DSCAM: variants seen among roughly 807,000 people sequenced by gnomAD.
DSCAM encodes DS cell adhesion molecule.
Under a neutral mutation model 217.7 loss-of-function variants are expected in DSCAM, and 47 were observed. The ratio of observed to expected loss-of-function variants is 0.22; its 90% confidence interval spans 0.17 to 0.28. The LOEUF (loss-of-function observed/expected upper bound fraction) is 0.28. Ranked by LOEUF, DSCAM falls within the 10% of genes least tolerant of loss-of-function variation. DSCAM has a pLI of 1.00. For missense variants in DSCAM, 2,080 were observed against 2,618.3 expected, an observed-to-expected ratio of 0.79 and a Z score of 4.49; for synonymous variants, 1,056 against 1,015.3, an observed-to-expected ratio of 1.04 and a Z score of -0.76.
intron 1 of DSCAM, among the ~76,000 whole-genome samples, chr21:40,709,702 G>A (rs1293097134): frequency 1.3e-5 from 2 of 152,170 alleles, no homozygotes; most frequent in Non-Finnish European, 2.9e-5. Context: ...GTATTCCATG[G>A]TGTGTATGTG....
chr21:40,543,896 T>G (rs2076560869), intron 3 of DSCAM, among the ~76,000 whole-genome samples: 1 of 152,204 alleles, frequency 6.6e-6, no homozygotes, highest in African/African-American at 2.4e-5. Flanking sequence ...ATATTGCTGC[T>G]CTCGGTTGTG....
At chr21:40,673,178 C>T (rs1360991290) in intron 3 of DSCAM, among the ~76,000 whole-genome samples, 2 of 152,288 alleles carry the variant, frequency 1.3e-5, no homozygotes, top group African/African-American at 2.4e-5. Flanking sequence ...ACCTGAGCAC[C>T]CACACATGGT....
At chr21:40,219,713 G>A (rs1268722641) in intron 11 of DSCAM, among the ~76,000 whole-genome samples, 1 of 151,988 alleles carries the variant, frequency 6.6e-6, no homozygotes, top group Non-Finnish European at 1.5e-5. Flanking sequence ...GTGCATCTCT[G>A]CCAATATTCC....
At chr21:40,381,074 A>AAAAAAAAAAAAAAAAAAAAAAC (rs1569095596) in intron 3 of DSCAM, among the ~76,000 whole-genome samples, 5 of 147,114 alleles carry the variant, frequency 3.4e-5, no homozygotes, top group African/African-American at 1.3e-4. Context: ...AAAAAAAAAA[A>AAAAAAAAAAAAAAAAAAAAAAC]AAAAAAAAAA....
At chr21:40,113,101 G>A (rs181137543) in intron 20 of DSCAM, among the ~76,000 whole-genome samples, 2 of 152,286 alleles carry the variant, frequency 1.3e-5, no homozygotes, top group African/African-American at 4.8e-5. Context: ...AAGCCTGGCA[G>A]AGACACAACA....
chr21:40,601,481 C>T (rs1366918541), intron 3 of DSCAM, among the ~76,000 whole-genome samples: 1 of 152,132 alleles, frequency 6.6e-6, no homozygotes, highest in African/African-American at 2.4e-5. Flanking sequence ...TTTATTTCTT[C>T]TCAATCTGTA....
chr21:40,679,617 G>C (rs7281370), intron 3 of DSCAM, among the ~76,000 whole-genome samples: 65,716 of 152,132 alleles, frequency 0.43, 14,751 homozygotes, highest in East Asian at 0.58. Context: ...AAATACTAAT[G>C]TTTACTGCAA....
At chr21:40,495,131 G>C (rs892712649) in intron 3 of DSCAM, among the ~76,000 whole-genome samples, 1 of 152,108 alleles carries the variant, frequency 6.6e-6, no homozygotes, top group Admixed American at 6.6e-5. Flanking sequence ...GGACCTGATG[G>C]CTTCATTGAT....
At chr21:40,189,721 C>G (rs1304194690) in intron 11 of DSCAM, among the ~76,000 whole-genome samples, 2 of 152,186 alleles carry the variant, frequency 1.3e-5, no homozygotes, top group African/African-American at 2.4e-5. Flanking sequence ...TTTCTCTGCA[C>G]AAGTGCTCTC....
intron 3 of DSCAM, among the ~76,000 whole-genome samples, chr21:40,448,589 TATCTATAATAA>T (rs1374900158): frequency 6.6e-6 from 1 of 152,112 alleles, no homozygotes; most frequent in Non-Finnish European, 1.5e-5. Context: ...TCAATCTATT[TATCTATAATAA>T]ATCAATAATA....
At chr21:40,678,907 C>T (rs1601843373) in intron 3 of DSCAM, among the ~76,000 whole-genome samples, 1 of 152,204 alleles carries the variant, frequency 6.6e-6, no homozygotes. Flanking sequence ...TTGCACTGTC[C>T]TGCTTTTTAA....
chr21:40,815,252 G>A (rs1414356089), intron 1 of DSCAM, among the ~76,000 whole-genome samples: 1 of 151,986 alleles, frequency 6.6e-6, no homozygotes, highest in Non-Finnish European at 1.5e-5. Flanking sequence ...AGAACAAATA[G>A]GAAGGGACAG....
chr21:40,412,882 T>C (rs2075336184), intron 3 of DSCAM, among the ~76,000 whole-genome samples: 1 of 152,238 alleles, frequency 6.6e-6, no homozygotes, highest in African/African-American at 2.4e-5. Flanking sequence ...AGTGGTTTCA[T>C]GGGCCAAGCC....
intron 29 of DSCAM, among the ~76,000 whole-genome samples, chr21:40,055,134 C>T (rs1437016155): frequency 6.6e-6 from 1 of 152,018 alleles, no homozygotes; most frequent in Admixed American, 6.5e-5. Flanking sequence ...AGCCAGAAAA[C>T]CTCAGGGTGG....
At chr21:40,773,388 C>T (rs541352619) in intron 1 of DSCAM, among the ~76,000 whole-genome samples, 4 of 152,322 alleles carry the variant, frequency 2.6e-5, no homozygotes, top group Middle Eastern at 3.4e-3. Flanking sequence ...TTTCTACCTC[C>T]GTCTTCACAT....
chr21:40,479,403 T>C (rs1389098733), intron 3 of DSCAM, among the ~76,000 whole-genome samples: 4 of 152,142 alleles, frequency 2.6e-5, no homozygotes, highest in African/African-American at 9.7e-5. Context: ...CTTAGAAACA[T>C]CTCACATATG....
intron 3 of DSCAM, among the ~76,000 whole-genome samples, chr21:40,457,051 T>C (rs1408224090): frequency 6.6e-6 from 1 of 152,176 alleles, no homozygotes; most frequent in Admixed American, 6.5e-5. Context: ...GGGATGCCTA[T>C]ACAGGAATCA....
chr21:40,782,844 G>A (rs746292792), intron 1 of DSCAM, among the ~76,000 whole-genome samples: 10 of 152,170 alleles, frequency 6.6e-5, no homozygotes, highest in African/African-American at 1.2e-4. Context: ...TTGCTTCTCC[G>A]TAATGCAAGT....
intron 15 of DSCAM, among the ~76,000 whole-genome samples, chr21:40,174,358 G>C (rs1056676466): frequency 1.3e-5 from 2 of 152,108 alleles, no homozygotes; most frequent in African/African-American, 4.8e-5. Flanking sequence ...CCCAACATTA[G>C]GTAGGGACAC....
Sources: gnomAD v4.1 joint callset for allele counts (sites outside exome capture counted in the v4.1 genomes callset) on GRCh38, gnomAD v4.1.1 for gene constraint, MANE v1.5 for transcripts, NCBI Gene and HGNC (gene_info 2026-07-23, HGNC 2026-07-21) for gene names.